Variants in EXOC4 observed in about 807,000 individuals in gnomAD.
EXOC4 encodes exocyst complex component 4.
EXOC4 carries 71 observed loss-of-function variants against 107.2 expected under a neutral mutation model. The observed-to-expected ratio is 0.66, with a 90% CI of 0.55 to 0.81. The LOEUF (loss-of-function observed/expected upper bound fraction) is 0.81. EXOC4 is among the 30% of genes least tolerant of loss of function. The pLI, the probability that EXOC4 is intolerant of heterozygous loss-of-function variation, is 0.00. For synonymous variants in EXOC4, 456 were observed against 441.2 expected (o/e 1.03, Z -0.42); for missense variants, 1,108 against 1,189.6 (o/e 0.93, Z 1.01).
At chr7:133,394,737 A>G (rs1025046943) in intron 7 of EXOC4, among the ~76,000 whole-genome samples, 1 of 152,190 alleles carries the variant, frequency 6.6e-6, no homozygotes, top group African/African-American at 2.4e-5. Context: ...TAGAGATGCA[A>G]GAATCAAAAG....
chr7:133,437,021 G>A (rs1269672910), intron 7 of EXOC4, among the ~76,000 whole-genome samples: 1 of 152,040 alleles, frequency 6.6e-6, no homozygotes, highest in African/African-American at 2.4e-5. Flanking sequence ...GTGAGGATGG[G>A]AGAAACTTCC....
intron 10 of EXOC4, among the ~76,000 whole-genome samples, chr7:133,778,516 G>A (rs1796393863): frequency 6.6e-6 from 1 of 152,136 alleles, no homozygotes; most frequent in African/African-American, 2.4e-5. Context: ...CCCAGGAGGT[G>A]GAGGTTGCAG....
chr7:133,464,864 G>GAC (rs1404806049), intron 7 of EXOC4, among the ~76,000 whole-genome samples: 1 of 111,972 alleles, frequency 8.9e-6, no homozygotes, highest in Admixed American at 1.4e-4. Flanking sequence ...CTGTCACCCA[G>GAC]ACTGGAGTGC....
chr7:133,608,999 A>G (rs1453207272), intron 9 of EXOC4, among the ~76,000 whole-genome samples: 1 of 152,158 alleles, frequency 6.6e-6, no homozygotes, highest in Non-Finnish European at 1.5e-5. Context: ...TATTGGGTTC[A>G]TCTATTTTAT....
At chr7:134,043,881 C>T (rs1309211523) in intron 17 of EXOC4, among the ~76,000 whole-genome samples, 2 of 152,260 alleles carry the variant, frequency 1.3e-5, no homozygotes, top group South Asian at 2.1e-4. Context: ...TCTTCCTCAT[C>T]TTTTCCCTCA....
chr7:133,971,706 A>C (rs770982397), intron 14 of EXOC4, among the ~76,000 whole-genome samples: 26 of 152,080 alleles, frequency 1.7e-4, no homozygotes, highest in Non-Finnish European at 3.1e-4. Context: ...GGCAGTTCGA[A>C]GGAGACAATT....
chr7:133,277,209 C>G (rs1794017064), intron 2 of EXOC4, among the ~76,000 whole-genome samples: 1 of 152,164 alleles, frequency 6.6e-6, no homozygotes, highest in African/African-American at 2.4e-5. Context: ...ATCTGTGAAA[C>G]TAGTTAAAGT....
At chr7:133,913,645 A>G (rs1333038880) in intron 12 of EXOC4, among the ~76,000 whole-genome samples, 1 of 152,194 alleles carries the variant, frequency 6.6e-6, no homozygotes, top group African/African-American at 2.4e-5. Flanking sequence ...AGAGAGAGAG[A>G]GAGAGAAGTA....
At chr7:133,926,190 C>T (rs1430022467) in intron 13 of EXOC4, among the ~76,000 whole-genome samples, 1 of 152,044 alleles carries the variant, frequency 6.6e-6, no homozygotes, top group South Asian at 2.1e-4. Flanking sequence ...TATGAGGAAA[C>T]TGAGGTGCAG....
intron 14 of EXOC4, among the ~76,000 whole-genome samples, chr7:133,989,860 A>T (rs2116228945): frequency 6.6e-6 from 1 of 152,278 alleles, no homozygotes; most frequent in Non-Finnish European, 1.5e-5. Context: ...GAACAGCGCG[A>T]ATTTGGAAAA....
At chr7:133,883,402 G>A (rs1478571696) in intron 11 of EXOC4, among the ~76,000 whole-genome samples, 1 of 150,706 alleles carries the variant, frequency 6.6e-6, no homozygotes, top group Non-Finnish European at 1.5e-5. Context: ...AGCATTTTGG[G>A]AGGCTGGGGT....
intron 14 of EXOC4, among the ~76,000 whole-genome samples, chr7:133,960,262 T>G (rs141615780): frequency 2.6e-5 from 4 of 152,240 alleles, no homozygotes; most frequent in Admixed American, 2.6e-4. Context: ...AAAACTGTTA[T>G]AAGGAATTTA....
At chr7:134,006,527 T>C (rs562932208) in intron 16 of EXOC4, among the ~76,000 whole-genome samples, 2 of 152,306 alleles carry the variant, frequency 1.3e-5, no homozygotes, top group Admixed American at 6.5e-5. Flanking sequence ...AAGCAAGACC[T>C]GAATGCATCT....
chr7:133,253,496 G>C, intron 1 of EXOC4: 10 of 1,098,436 alleles, frequency 9.1e-6, no homozygotes, highest in Non-Finnish European at 1.1e-5. Flanking sequence ...GTGTAAAGGT[G>C]TGTTTATTGA....
At chr7:133,435,570 T>C (rs2150782243) in intron 7 of EXOC4, among the ~76,000 whole-genome samples, 1 of 152,324 alleles carries the variant, frequency 6.6e-6, no homozygotes, top group South Asian at 2.1e-4. Flanking sequence ...CCTGGAAATG[T>C]CCCTTTTTTC....
chr7:133,979,957 C>A (rs1793939762), intron 14 of EXOC4, among the ~76,000 whole-genome samples: 1 of 152,138 alleles, frequency 6.6e-6, no homozygotes, highest in Non-Finnish European at 1.5e-5. Context: ...TCCTACCAAT[C>A]TACCACCTAC....
chr7:133,681,196 AAAAAG>A (rs1245039216), intron 10 of EXOC4, among the ~76,000 whole-genome samples: 3 of 152,236 alleles, frequency 2.0e-5, no homozygotes, highest in African/African-American at 7.2e-5. Context: ...GACCCAAGAA[AAAAAG>A]AATTGTTTGT....
At chr7:133,487,960 A>G (rs978300723) in intron 9 of EXOC4, among the ~76,000 whole-genome samples, 5 of 152,200 alleles carry the variant, frequency 3.3e-5, no homozygotes, top group Non-Finnish European at 2.9e-5. Context: ...ACCACTCATT[A>G]TGAGTTAAGC....
chr7:133,553,858 C>G (rs1036040145), intron 9 of EXOC4, among the ~76,000 whole-genome samples: 2 of 152,150 alleles, frequency 1.3e-5, no homozygotes, highest in Non-Finnish European at 2.9e-5. Context: ...TAACATGTCA[C>G]CAGTTTCTCC....
Sources: gnomAD v4.1 joint callset for allele counts (sites outside exome capture counted in the v4.1 genomes callset) on GRCh38, gnomAD v4.1.1 for gene constraint, MANE v1.5 for transcripts, NCBI Gene and HGNC (gene_info 2026-07-23, HGNC 2026-07-21) for gene names.